MEI1: variants seen among roughly 807,000 people sequenced by gnomAD.
The protein encoded by MEI1 is meiosis inhibitor protein 1.
Under a neutral mutation model 146.2 loss-of-function variants are expected in MEI1, and 103 were observed. The observed-to-expected ratio is 0.70, with a 90% CI of 0.60 to 0.83. The LOEUF (loss-of-function observed/expected upper bound fraction) is 0.83. MEI1 is among the 40% of genes least tolerant of loss of function. The pLI, the probability that MEI1 is intolerant of heterozygous loss-of-function variation, is 0.00. For missense variants in MEI1, 1,529 were observed against 1,533.0 expected, an observed-to-expected ratio of 1.00 and a Z score of 0.04; for synonymous variants, 652 against 628.2, an observed-to-expected ratio of 1.04 and a Z score of -0.57.
intron 11 of MEI1, among the ~76,000 whole-genome samples, chr22:41,734,502 A>G (rs2072154259): frequency 6.6e-6 from 1 of 152,146 alleles, no homozygotes; most frequent in African/African-American, 2.4e-5. Context: ...CTGAGGAAGG[A>G]GAATTATCTG....
Position 41,773,469 on chromosome 22 carries a change from C to T in MEI1, c.2544+2508C>T, listed in dbSNP as rs1463224369. 2.0e-5 allele frequency among the ~76,000 whole-genome samples: 3 copies of T among 151,420 alleles called. No individual in the cohort carries two copies. The East Asian group carries it at 5.8e-4, about 29-fold the overall frequency. On this transcript the variant is annotated intron_variant, in intron 20 of 30. Transcript: ENST00000401548. ...TCTCAGAGAAGCTAATTGAATTGCC[C>T]AAGGTCATATAGTTAATAAGGGTCA...
chr22:41,787,532 G>A (rs1357933199), intron 26 of MEI1, among the ~76,000 whole-genome samples: 1 of 152,154 alleles, frequency 6.6e-6, no homozygotes, highest in Admixed American at 6.5e-5. Flanking sequence ...TTAAGTTCAT[G>A]GGAGCATAAT....
chr22:41,759,696 G>C (rs187773768), intron 18 of MEI1, among the ~76,000 whole-genome samples: 1 of 151,944 alleles, frequency 6.6e-6, no homozygotes, highest in African/African-American at 2.4e-5. Context: ...GGGCATGGTG[G>C]CAGGCGCCTG....
Position 41,728,338 on chromosome 22 carries a change from A to G in MEI1, c.865-1327A>G, listed in dbSNP as rs553947782. Among the ~76,000 whole-genome samples the G allele has an allele frequency of 1.2e-4, 19 of 152,322 alleles. 1 individual carries two copies. The East Asian group carries it at 3.1e-3, about 25-fold the overall frequency. ...TTGCAGAGAGGGTTTTCTAAGTATA[A>G]TAGCCTCAGGCCTACTGTGTTAAAT... On this transcript the variant is annotated intron_variant, in intron 7 of 30. Transcript: ENST00000401548.
chr22:41,733,884 T>C (rs1480929527), intron 11 of MEI1, among the ~76,000 whole-genome samples: 1 of 152,110 alleles, frequency 6.6e-6, no homozygotes, highest in Non-Finnish European at 1.5e-5. Context: ...CCCAGCACTT[T>C]GGGAGGCCAA....
chr22:41,795,277 C>A lies in MEI1; in HGVS notation c.3535-134C>A. 8.1e-7 allele frequency: 1 copy of A among 1,234,194 alleles called. No individual in the cohort carries two copies. Among genetic ancestry groups the A allele is most frequent in the Non-Finnish European group, 1.1e-6 (1 of 878,216 alleles). 76.5% of individuals were successfully genotyped at this position (1,234,194 alleles called of 1,614,324 possible). ...ACACAGTCCCACCTCTGCCCACTAA[C>A]TCTGAGCTCCTTGAAGGCAGGCAGG... On this transcript the variant is annotated intron_variant, in intron 28 of 30. Coordinates refer to ENST00000401548, the MANE Select transcript of MEI1 (RefSeq NM_152513.4). This position sits in a 1 kb window ranked among gnomAD's most constrained non-coding sequence, Gnocchi z 4.2.
chr22:41,737,530 C>T (rs781644742), intron 11 of MEI1, among the ~76,000 whole-genome samples: 3 of 151,090 alleles, frequency 2.0e-5, no homozygotes, highest in Non-Finnish European at 4.4e-5. Context: ...TGAGCCACCG[C>T]GCCCGGCCTC....
chr22:41,788,704 G>GT (rs1460434695), intron 26 of MEI1, among the ~76,000 whole-genome samples: 3 of 152,128 alleles, frequency 2.0e-5, no homozygotes, highest in Admixed American at 2.0e-4. Flanking sequence ...GCCTCCCAAA[G>GT]TGCTGGGATT....
Position 41,794,442 on chromosome 22 carries a change from T to C in MEI1, c.3499T>C (p.Phe1167Leu). Residue 1167 changes from phenylalanine to leucine, a missense_variant, in exon 28 of 31, where the codon TTC becomes CTC. Transcript: ENST00000401548. ...CCTCTTGGATGCTGGAGAGAATTCC[T>C]TCCTCAGACCTGAGATTTTGAGGCT... The part of the protein sequence containing the change: ...FTLLDAGENS[F>L]LRPEILRLMT... 6.2e-7 allele frequency: 1 copy of C among 1,614,020 alleles called. No homozygotes were observed. The highest frequency in any genetic ancestry group is 8.5e-7 in the Non-Finnish European group (1 of 1,179,872).
At chr22:41,708,275 GTTAATA>G (rs1194048071) in intron 3 of MEI1, among the ~76,000 whole-genome samples, 1 of 152,094 alleles carries the variant, frequency 6.6e-6, no homozygotes, top group Non-Finnish European at 1.5e-5. Flanking sequence ...AAACGATATA[GTTAATA>G]TTTATAATTT....
At chr22:41,722,467 ATTT>A (rs749033326) in intron 6 of MEI1, among the ~76,000 whole-genome samples, 6 of 127,604 alleles carry the variant, frequency 4.7e-5, no homozygotes, top group Admixed American at 1.6e-4. Flanking sequence ...CAGCATTTTA[ATTT>A]TTTTTTTTTT....
intron 1 of MEI1, among the ~76,000 whole-genome samples, chr22:41,702,740 C>CG (rs1569134120): frequency 6.6e-6 from 1 of 152,034 alleles, no homozygotes; most frequent in African/African-American, 2.4e-5. Flanking sequence ...CCACCATGCC[C>CG]GGCCTCTGAA....
chr22:41,789,663 T>C (rs966915027), intron 26 of MEI1, among the ~76,000 whole-genome samples: 5 of 152,162 alleles, frequency 3.3e-5, no homozygotes, highest in African/African-American at 1.2e-4. Context: ...GCCCCTGGCA[T>C]CTACCATTTT....
At chr22:41,759,632 A>AAATAAAT (rs1569268709) in intron 18 of MEI1, among the ~76,000 whole-genome samples, 3,878 of 135,592 alleles carry the variant, frequency 0.029, 199 homozygotes, top group African/African-American at 0.11. Flanking sequence ...TCCGTCTCAA[A>AAATAAAT]AAATAAATAA....
intron 22 of MEI1, among the ~76,000 whole-genome samples, chr22:41,779,356 G>A (rs1046877276): frequency 1.3e-5 from 2 of 152,102 alleles, no homozygotes; most frequent in African/African-American, 2.4e-5. Flanking sequence ...TGGGAAGGCC[G>A]AGGCGGGAGG....
At position 41,732,338 on chromosome 22, in the gene MEI1, T is replaced by A; in HGVS notation, c.1190T>A (p.Leu397Gln). The change falls in exon 10 of 31, where the codon CTG (leucine) becomes CAG (glutamine). Residue 397 changes from leucine to glutamine, a missense_variant. By Grantham distance (113) the Leu-to-Gln change is moderately radical. Coordinates refer to ENST00000401548, the MANE Select transcript of MEI1 (RefSeq NM_152513.4). ...KQGLLLFAEI[L>Q]TRQPEEIKLF... is the part of the protein sequence containing the mutation. ...GGCCTGCTGCTTTTCGCTGAAATCC[T>A]GACCCGGTGAGCAAAGTGGTGGAAC... The A allele has an allele frequency of 6.2e-7, 1 of 1,613,212 alleles. No homozygotes were observed.
intron 17 of MEI1, among the ~76,000 whole-genome samples, chr22:41,756,403 T>C (rs2074096286): frequency 6.6e-6 from 1 of 151,804 alleles, no homozygotes; most frequent in South Asian, 2.1e-4. Flanking sequence ...TCCAAAGTGC[T>C]AGGATTACAG....
intron 11 of MEI1, among the ~76,000 whole-genome samples, chr22:41,737,834 G>A (rs561455105): frequency 6.6e-6 from 1 of 152,232 alleles, no homozygotes; most frequent in East Asian, 1.9e-4. Context: ...AATGTAGGAT[G>A]TTAAAATGGA....
chr22:41,759,572 G>A (rs9611656), intron 18 of MEI1: 11,908 of 151,752 alleles, frequency 0.078, 1,286 homozygotes, highest in African/African-American at 0.25. Context: ...AGAGCTCTCA[G>A]TGAGCCGAGA....
Sources: gnomAD v4.1 joint callset for allele counts (sites outside exome capture counted in the v4.1 genomes callset) on GRCh38, gnomAD v4.1.1 for gene constraint, Gnocchi (gnomAD v3.1) non-coding constraint, MANE v1.5 for transcripts, NCBI Gene and HGNC (gene_info 2026-07-23, HGNC 2026-07-21) for gene names.